SRGAP2B: variants seen among roughly 807,000 people sequenced by gnomAD.
SRGAP2B encodes the protein SLIT-ROBO Rho GTPase activating protein 2B.
Under a neutral mutation model 22.2 loss-of-function variants are expected in SRGAP2B, and 9 were observed. The ratio of observed to expected loss-of-function variants is 0.41; its 90% CI spans 0.24 to 0.71. The LOEUF is 0.71. Ranked by LOEUF, SRGAP2B falls within the 30% of genes least tolerant of loss-of-function variation. SRGAP2B has a pLI of 0.35. For synonymous variants in SRGAP2B, 36 were observed against 87.4 expected, an observed-to-expected ratio of 0.41 and a Z score of 3.28; for missense variants, 114 against 235.8, an observed-to-expected ratio of 0.48 and a Z score of 3.38.
intron 4 of SRGAP2B, among the ~76,000 whole-genome samples, chr1:144,951,598 C>CTTA (rs1553609401): frequency 1.3e-5 from 2 of 150,422 alleles, no homozygotes; most frequent in Non-Finnish European, 2.9e-5. Context: ...ATATAAAGTG[C>CTTA]TTAACACGAT....
At chr1:145,093,962 G>A (rs1654214540) in intron 1 of SRGAP2B, among the ~76,000 whole-genome samples, 1 of 149,414 alleles carries the variant, frequency 6.7e-6, no homozygotes, top group Non-Finnish European at 1.5e-5. Context: ...ATGGGGGGGC[G>A]GGGCAAATCT....
intron 7 of SRGAP2B, among the ~76,000 whole-genome samples, chr1:144,902,625 G>T (rs1157901283): frequency 1.4e-5 from 2 of 139,784 alleles, no homozygotes; most frequent in East Asian, 4.2e-4. Flanking sequence ...AGCTGGGCGT[G>T]GTGGCGGGTG....
intron 2 of SRGAP2B, among the ~76,000 whole-genome samples, chr1:145,070,092 T>C (rs1651977127): frequency 6.7e-6 from 1 of 150,246 alleles, no homozygotes. Flanking sequence ...CCAGCATGCA[T>C]ATGTCATTCC....
intron 2 of SRGAP2B, among the ~76,000 whole-genome samples, chr1:145,076,026 G>A (rs1413586201): frequency 4.0e-5 from 6 of 150,208 alleles, no homozygotes; most frequent in African/African-American, 1.5e-4. Flanking sequence ...CAACCACCCT[G>A]GGATGTAGGC....
chr1:144,961,229 AG>A (rs1333063394), intron 3 of SRGAP2B, among the ~76,000 whole-genome samples: 3 of 125,706 alleles, frequency 2.4e-5, no homozygotes, highest in African/African-American at 6.1e-5. Flanking sequence ...CCTTTCCCTA[AG>A]GGACAAGGTA....
At chr1:145,075,745 T>C (rs1652434779) in intron 2 of SRGAP2B, among the ~76,000 whole-genome samples, 1 of 145,142 alleles carries the variant, frequency 6.9e-6, no homozygotes. Flanking sequence ...CATCAATTAT[T>C]AGAAAAAGCA....
chr1:144,958,589 CAGAGG>C, intron 3 of SRGAP2B, among the ~76,000 whole-genome samples: 1 of 131,144 alleles, frequency 7.6e-6, no homozygotes, highest in South Asian at 2.7e-4. Flanking sequence ...ACCCCGGAGG[CAGAGG>C]TTGCAGTGAG....
At chr1:144,979,421 T>C (rs587695905) in intron 3 of SRGAP2B, among the ~76,000 whole-genome samples, 19 of 125,602 alleles carry the variant, frequency 1.5e-4, no homozygotes, top group African/African-American at 5.8e-4. Flanking sequence ...ACAAAGCCCA[T>C]AACAATAACC....
rs1186961297 is a variant in SRGAP2B at position 145,076,201 on chromosome 1, T to A, written c.67+16634A>T. On this transcript the variant is annotated intron_variant, in intron 2 of 9. Transcript: ENST00000612199. ...ATTACAAAAAACTACCTCCATCTTTTTTTTTTTGTAGACAGGATCTCCAAA... is the reference window on the plus strand; with the variant it reads ...ATTACAAAAAACTACCTCCATCTTTATTTTTTTGTAGACAGGATCTCCAAA... Among the ~76,000 whole-genome samples, 9 of 150,086 alleles carry A rather than the reference T, an allele frequency of 6.0e-5. 2 individuals are homozygous for A. The highest frequency in any genetic ancestry group is 1.0e-4 in the Non-Finnish European group (7 of 67,606).
chr1:144,942,787 A>G (rs1553607612), intron 4 of SRGAP2B, among the ~76,000 whole-genome samples: 1 of 152,070 alleles, frequency 6.6e-6, no homozygotes, highest in African/African-American at 2.4e-5. Context: ...GTCTAAAATT[A>G]TCAACTGATA....
At chr1:144,909,485 G>A (rs1269707057) in intron 5 of SRGAP2B, among the ~76,000 whole-genome samples, 6 of 144,438 alleles carry the variant, frequency 4.2e-5, no homozygotes, top group African/African-American at 1.4e-4. Context: ...TACTCGGGAG[G>A]CTGAGGCAGG....
At chr1:144,983,108 C>T (rs1191858795) in intron 3 of SRGAP2B, among the ~76,000 whole-genome samples, 1 of 148,492 alleles carries the variant, frequency 6.7e-6, no homozygotes, top group Non-Finnish European at 1.5e-5. Context: ...CCCAGGAAGT[C>T]AGGGGTTTTC....
At chr1:144,989,622 G>A (rs1670022910) in intron 3 of SRGAP2B, among the ~76,000 whole-genome samples, 1 of 133,640 alleles carries the variant, frequency 7.5e-6, no homozygotes, top group Non-Finnish European at 1.6e-5. Context: ...GTTTATGTTA[G>A]TTCCTATAGG....
chr1:145,064,798 T>C (rs1429208324), intron 2 of SRGAP2B, among the ~76,000 whole-genome samples: 1 of 148,968 alleles, frequency 6.7e-6, no homozygotes, highest in African/African-American at 2.5e-5. Flanking sequence ...CCAAAATGAA[T>C]GAAAGAGATA....
chr1:144,903,969 C>T, intron 7 of SRGAP2B, among the ~76,000 whole-genome samples: 1 of 138,332 alleles, frequency 7.2e-6, no homozygotes, highest in South Asian at 2.5e-4. Context: ...GCTTGTAAGA[C>T]CCAACTGTAA....
At chr1:144,956,439 C>CTTTTTTTTTTT (rs3069132) in intron 3 of SRGAP2B, among the ~76,000 whole-genome samples, 1 of 95,380 alleles carries the variant, frequency 1.0e-5, no homozygotes, top group Non-Finnish European at 2.1e-5. Context: ...TGCTCATTCC[C>CTTTTTTTTTTT]TTTTTTTTTT....
chr1:144,930,504 A>C (rs1348930906), intron 4 of SRGAP2B, among the ~76,000 whole-genome samples: 2 of 142,098 alleles, frequency 1.4e-5, no homozygotes, highest in African/African-American at 5.5e-5. Context: ...TCTGGTGACC[A>C]CCAAATGGAG....
chr1:145,064,353 A>G (rs473851), intron 2 of SRGAP2B, among the ~76,000 whole-genome samples: 6 of 149,408 alleles, frequency 4.0e-5, no homozygotes, highest in Admixed American at 3.3e-4. Context: ...AGGTCAAGGA[A>G]TCAACATCAA....
intron 4 of SRGAP2B, among the ~76,000 whole-genome samples, chr1:144,945,053 C>CTTTAGAAATTTA (rs1553608211): frequency 6.1e-5 from 8 of 132,088 alleles, no homozygotes; most frequent in South Asian, 5.2e-4. Context: ...AGCCACCATG[C>CTTTAGAAATTTA]CCAGCCAAAT....
Sources: gnomAD v4.1 joint callset for allele counts (sites outside exome capture counted in the v4.1 genomes callset) on GRCh38, gnomAD v4.1.1 for gene constraint, MANE v1.5 for transcripts, NCBI Gene and HGNC (gene_info 2026-07-23, HGNC 2026-07-21) for gene names.